Variants in NIPAL2 observed in about 807,000 individuals in gnomAD.
The protein encoded by NIPAL2 is NIPA like domain containing 2.
In NIPAL2, 43 loss-of-function variants were observed where a neutral mutation model predicts 48.9. The ratio of observed to expected loss-of-function variants is 0.88; its 90% CI spans 0.69 to 1.13. NIPAL2 has a LOEUF of 1.13. Among genes scored for constraint, NIPAL2 ranks in the 50% most tolerant of loss-of-function variants. The pLI is 0.00. For synonymous variants in NIPAL2, 167 were observed against 174.6 expected, an observed-to-expected ratio of 0.96 and a Z score of 0.34; for missense variants, 446 against 461.4, an observed-to-expected ratio of 0.97 and a Z score of 0.31.
intron 7 of NIPAL2, 86 bp from the exon 8 acceptor site, chr8:98,203,282 T>C: frequency 1.0e-6 from 1 of 962,866 alleles, no homozygotes; most frequent in Non-Finnish European, 1.7e-6. Context: ...CACGTGTTCT[T>C]TAGCTACAAC....
At chr8:98,271,109 T>C (rs1815098288) in intron 1 of NIPAL2, among the ~76,000 whole-genome samples, 1 of 152,216 alleles carries the variant, frequency 6.6e-6, no homozygotes, top group Non-Finnish European at 1.5e-5. Flanking sequence ...CCTTCTAGTA[T>C]AGTTTGAAGT....
intron 5 of NIPAL2, among the ~76,000 whole-genome samples, chr8:98,218,053 A>G (rs1412128289): frequency 6.6e-6 from 1 of 152,266 alleles, no homozygotes; most frequent in African/African-American, 2.4e-5. Flanking sequence ...AATAAAAAGT[A>G]GTTTGGATCT....
In NIPAL2 at chr8:98,191,843, G is replaced by C. The variant is rs1216034254; in HGVS notation, c.*1135C>G. Reference sequence around the variant, plus strand: ...GCCATTCAGGAAACAGGAGGACTTGGGCTTCCTCTTGAAGCTCAGGTTTGA... The same window carrying C: ...GCCATTCAGGAAACAGGAGGACTTGCGCTTCCTCTTGAAGCTCAGGTTTGA... On this transcript the variant is annotated 3_prime_UTR_variant, in exon 11 of 11. Transcript: ENST00000430223. 4 of 152,162 alleles carry C rather than the reference G, an allele frequency of 2.6e-5. No individual in the cohort carries two copies. Among genetic ancestry groups the C allele is most frequent in the Admixed American group, 1.3e-4 (2 of 15,282 alleles). The allele number at this position is 152,162 out of a possible 1,614,324, so 9.4% of individuals were successfully genotyped here.
At position 98,195,973 on chromosome 8, in the gene NIPAL2, G is replaced by A. The variant is rs1191734244; in HGVS notation, c.913C>T (p.Pro305Ser). The A allele has an allele frequency of 6.3e-7, 1 of 1,589,132 alleles. No homozygotes were observed. The highest frequency in any genetic ancestry group is 2.2e-5 in the East Asian group (1 of 44,476). Residue 305 changes from proline to serine, a missense_variant, in exon 9 of 11, where the codon CCT (proline) becomes TCT (serine). Coordinates refer to ENST00000430223, the MANE Select transcript of NIPAL2 (RefSeq NM_001321635.2). ...AGATATATAAATACAGTGAGAAAAG[G>A]AGCACCAAGGAATTCCTGATAAAAT... ...IIFYQEFLGA[P>S]FLTVFIYLFG...
intron 1 of NIPAL2, among the ~76,000 whole-genome samples, chr8:98,258,997 C>G (rs1332148743): frequency 6.6e-6 from 1 of 150,614 alleles, no homozygotes; most frequent in African/African-American, 2.4e-5. Flanking sequence ...ACACCAAATA[C>G]ACAGGCCACA....
At chr8:98,196,027 C>A (rs761390551) in intron 8 of NIPAL2, 22 bp from the exon 9 acceptor site, 3 of 1,454,846 alleles carry the variant, frequency 2.1e-6, no homozygotes, top group South Asian at 2.5e-5. Context: ...GAAAAGAAGA[C>A]AAAATTGATT....
chr8:98,218,901 T>A (rs987922782), intron 5 of NIPAL2, among the ~76,000 whole-genome samples: 3 of 152,120 alleles, frequency 2.0e-5, no homozygotes, highest in African/African-American at 7.2e-5. Context: ...GTACCAGTGT[T>A]GATGACGAAC....
chr8:98,210,777 C>G lies in NIPAL2; in HGVS notation c.655+1628G>C, dbSNP rs1053031172. ...GATATGATATTTTGTGGATTGTGCT[C>G]TTTTTGTCAGGATAAATTACCCCTT... On this transcript the variant is annotated intron_variant, in intron 6 of 10. Transcript: ENST00000430223. 2.6e-5 allele frequency among the ~76,000 whole-genome samples: 4 copies of G among 152,116 alleles called. No individual in the cohort carries two copies. The East Asian group carries it at 7.7e-4, about 29-fold the overall frequency.
At chr8:98,250,874 C>T (rs1166601693) in intron 3 of NIPAL2, among the ~76,000 whole-genome samples, 2 of 152,156 alleles carry the variant, frequency 1.3e-5, no homozygotes, top group African/African-American at 4.8e-5. Flanking sequence ...CAGGCAGCTT[C>T]ACTGAAGGTC....
At chr8:98,195,579 A>G (rs961244796) in intron 9 of NIPAL2, 2 of 168,978 alleles carry the variant, frequency 1.2e-5, no homozygotes, top group African/African-American at 2.4e-5. Flanking sequence ...ATTTTGGGCG[A>G]CCCTAGAGGA....
intron 1 of NIPAL2, among the ~76,000 whole-genome samples, chr8:98,262,678 T>C (rs1287330921): frequency 6.6e-6 from 1 of 151,310 alleles, no homozygotes; most frequent in East Asian, 1.9e-4. Context: ...ACATTAATAA[T>C]GGGAGACTTT....
At chr8:98,277,475 T>C (rs1270965041) in intron 1 of NIPAL2, among the ~76,000 whole-genome samples, 2 of 152,068 alleles carry the variant, frequency 1.3e-5, no homozygotes, top group Non-Finnish European at 2.9e-5. Context: ...AAGCAGAGGT[T>C]GCAGTGAGCT....
chr8:98,208,592 G>A (rs903015411), intron 6 of NIPAL2, among the ~76,000 whole-genome samples: 4 of 152,088 alleles, frequency 2.6e-5, no homozygotes, highest in African/African-American at 9.7e-5. Flanking sequence ...GAGATTACAG[G>A]CACCCACAAC....
intron 1 of NIPAL2, among the ~76,000 whole-genome samples, chr8:98,255,172 T>C (rs1813810711): frequency 6.6e-6 from 1 of 152,246 alleles, no homozygotes; most frequent in Non-Finnish European, 1.5e-5. Context: ...ACAAGAACTA[T>C]AGATGTTAAA....
chr8:98,219,355 T>C (rs773417840), intron 5 of NIPAL2, among the ~76,000 whole-genome samples: 3 of 151,842 alleles, frequency 2.0e-5, no homozygotes, highest in Non-Finnish European at 4.4e-5. Flanking sequence ...GTGTGCAGCA[T>C]CAATAGAAGC....
intron 4 of NIPAL2, among the ~76,000 whole-genome samples, chr8:98,231,224 C>T (rs954938115): frequency 3.9e-5 from 6 of 152,174 alleles, no homozygotes; most frequent in African/African-American, 1.4e-4. Flanking sequence ...TTGAAAATCT[C>T]GGTGATGTGG....
At position 98,198,959 on chromosome 8, in the gene NIPAL2, C is replaced by CTTTTT. The variant is rs1054384118; in HGVS notation, c.881-2959_881-2955dup. Among the ~76,000 whole-genome samples the CTTTTT allele has an allele frequency of 1.1e-3, 154 of 140,794 alleles. 1 individual carries two copies. The highest frequency in any genetic ancestry group is 3.6e-3 in the Middle Eastern group (1 of 274). The allele number at this position is 140,794 out of a possible 152,430, so 92.4% of individuals were successfully genotyped here. Reference sequence around the variant, plus strand: ...GTTTTTTTCTTTTTCTTTTTCTTTTCTTTTTTTTTTTTTTGAGACAGAGTT... The same window carrying CTTTTT: ...GTTTTTTTCTTTTTCTTTTTCTTTTCTTTTTTTTTTTTTTTTTTTGAGACAGAGTT... On this transcript the variant is annotated intron_variant, in intron 8 of 10. Transcript: ENST00000430223.
intron 3 of NIPAL2, among the ~76,000 whole-genome samples, chr8:98,246,594 G>A (rs1012974224): frequency 1.3e-5 from 2 of 152,206 alleles, no homozygotes; most frequent in African/African-American, 4.8e-5. Context: ...GCTGGGCAAT[G>A]ATTGAGGTAA....
At chr8:98,250,911 A>T (rs1813553181) in intron 3 of NIPAL2, among the ~76,000 whole-genome samples, 1 of 152,150 alleles carries the variant, frequency 6.6e-6, no homozygotes, top group African/African-American at 2.4e-5. Flanking sequence ...GCTGACCCTG[A>T]AGTGCTGAAA....
Sources: allele counts gnomAD v4.1 joint callset (sites outside exome capture counted in the v4.1 genomes callset), GRCh38; gene constraint gnomAD v4.1.1; transcripts MANE v1.5; gene names NCBI Gene and HGNC (gene_info 2026-07-23, HGNC 2026-07-21).